Variants in GLUL observed in about 807,000 individuals in gnomAD.
GLUL encodes the protein glutamine synthetase.
GLUL carries 8 observed loss-of-function variants against 36.9 expected under a neutral mutation model. The ratio of observed to expected loss-of-function variants is 0.22; its 90% CI spans 0.13 to 0.39. The LOEUF is 0.39. Ranked by LOEUF, GLUL falls within the 10% of genes least tolerant of loss-of-function variation. The pLI, the probability that GLUL is intolerant of heterozygous loss-of-function variation, is 1.00. For synonymous variants in GLUL, 182 were observed against 172.8 expected (o/e 1.05, Z -0.42); for missense variants, 315 against 501.8 (o/e 0.63, Z 3.56).
At chr1:182,387,104 G>A in intron 3 of GLUL, 27 bp downstream of exon 3, 2 of 1,568,910 alleles carry the variant, frequency 1.3e-6, no homozygotes, top group Non-Finnish European at 1.8e-6. Context: ...ATTGAGGAGG[G>A]GTATCCATAG....
At position 182,383,770 on chromosome 1, in the gene GLUL, T is replaced by G. The variant is rs1558155301; in HGVS notation, c.*635A>C. On this transcript the variant is annotated 3_prime_UTR_variant, in exon 7 of 7. Coordinates refer to ENST00000331872, the MANE Select transcript of GLUL (RefSeq NM_001033044.4). ...AAAAATACTATTCTGCTTTGTGTGA[T>G]AAATCAAGGACCAAGCAGTAAGAAC... 1.3e-5 allele frequency: 2 copies of G among 153,402 alleles called. No homozygotes were observed. The highest frequency in any genetic ancestry group is 2.9e-5 in the Non-Finnish European group (2 of 68,864). The allele number at this position is 153,402 out of a possible 1,614,324, so 9.5% of individuals were successfully genotyped here. A position where few individuals can be genotyped will look rare whatever the true frequency, so the allele number is the denominator to read the frequency against.
Position 182,384,419 on chromosome 1 carries a change from G to A in GLUL, c.1108C>T (p.Gln370Ter), listed in dbSNP as rs1650077537. The A allele has an allele frequency of 2.5e-6, 4 of 1,612,198 alleles. No individual in the cohort carries two copies. The highest frequency in any genetic ancestry group is 8.5e-7 in the Non-Finnish European group (1 of 1,178,464). ...LLNETGDEPFQYKN is the reference protein window; with the variant it reads ...LLNETGDEPF Reference sequence around the variant, plus strand: ...GTCTAGTCCACTTAATTTTTGTACTGGAAGGGCTCATCGCCGGTTTCATTG... The same window carrying A: ...GTCTAGTCCACTTAATTTTTGTACTAGAAGGGCTCATCGCCGGTTTCATTG... The change falls in exon 7 of 7, where the codon CAG (glutamine) becomes TAG (stop). Residue 370 changes from glutamine (Q) to a stop codon, truncating the protein, a stop_gained. Coordinates refer to ENST00000331872, the MANE Select transcript of GLUL (RefSeq NM_001033044.4). LOFTEE classifies it high-confidence loss of function.
Position 182,378,394 on chromosome 1 carries a change from A to T in GLUL, c.*6011T>A, listed in dbSNP as rs1649809659. ...GGATATCACTCTCCTATATTAGAGGAGCTCCAAGCAGTGTATCATGCTCAA... is the reference window on the plus strand; with the variant it reads ...GGATATCACTCTCCTATATTAGAGGTGCTCCAAGCAGTGTATCATGCTCAA... On this transcript the variant is annotated 3_prime_UTR_variant, in exon 7 of 7. Transcript: ENST00000331872. 6.6e-6 allele frequency among the ~76,000 whole-genome samples: 1 copy of T among 152,228 alleles called. No homozygotes were observed. Among genetic ancestry groups the T allele is most frequent in the African/African-American group, 2.4e-5 (1 of 41,462 alleles).
Position 182,380,344 on chromosome 1 carries a change from G to C in GLUL, c.*4061C>G, listed in dbSNP as rs1488808456. ...TTTTGTTTAGGCAAGGTCTTGATCT[G>C]TCACCCAGGCTGGAGTGCAGTGGTG... On this transcript the variant is annotated 3_prime_UTR_variant, in exon 7 of 7. Transcript: ENST00000331872. 1.3e-5 allele frequency among the ~76,000 whole-genome samples: 2 copies of C among 152,162 alleles called. No homozygotes were observed. Among genetic ancestry groups the C allele is most frequent in the African/African-American group, 4.8e-5 (2 of 41,422 alleles).
chr1:182,379,463 T>A lies in GLUL; in HGVS notation c.*4942A>T, dbSNP rs1341504467. On this transcript the variant is annotated 3_prime_UTR_variant, in exon 7 of 7. Transcript: ENST00000331872. ...GTCTCGAACTCCTGAACTCAGGTGA[T>A]CCACCTGCCTTGGCCTCCCAAAGTG... Among the ~76,000 whole-genome samples the A allele has an allele frequency of 6.6e-6, 1 of 152,120 alleles. No homozygotes were observed. The highest frequency in any genetic ancestry group is 1.5e-5 in the Non-Finnish European group (1 of 68,026).
chr1:182,389,343 C>G (rs1301380636), intron 1 of GLUL: 1 of 154,866 alleles, frequency 6.5e-6, no homozygotes, highest in African/African-American at 2.4e-5. Flanking sequence ...CCCACCGCCC[C>G]TCCCCACCAA....
chr1:182,384,881 C>A, intron 6 of GLUL, 158 bp from the exon 7 acceptor site: 1 of 677,906 alleles, frequency 1.5e-6, no homozygotes. Flanking sequence ...CAGTGCCCGA[C>A]AAGCAGTACA....
At chr1:182,386,428 C>A (rs753865639) in intron 3 of GLUL, 26 bp from the exon 4 acceptor site, 2 of 1,552,070 alleles carry the variant, frequency 1.3e-6, no homozygotes, top group Non-Finnish European at 8.9e-7. Context: ...AATAATACGC[C>A]ATCAGGGATC....
chr1:182,388,066 A>C (rs918910833), intron 2 of GLUL, among the ~76,000 whole-genome samples: 10 of 152,228 alleles, frequency 6.6e-5, no homozygotes, highest in African/African-American at 2.2e-4. Context: ...TGTAGCTCCT[A>C]GAGGGATACG....
intron 1 of GLUL, 140 bp downstream of exon 1, chr1:182,391,539 G>T: frequency 3.7e-6 from 1 of 273,050 alleles, no homozygotes; most frequent in Non-Finnish European, 6.8e-6. Context: ...CCGGATCTCA[G>T]GCATGGGCCG....
intron 6 of GLUL, 168 bp downstream of exon 6, chr1:182,385,189 C>G: frequency 1.6e-6 from 1 of 640,072 alleles, no homozygotes; most frequent in East Asian, 2.7e-5. Context: ...AATGTGAAGG[C>G]AAGTGTCAAC....
At chr1:182,387,503 T>C (rs1156837146) in intron 2 of GLUL, among the ~76,000 whole-genome samples, 1 of 152,212 alleles carries the variant, frequency 6.6e-6, no homozygotes, top group Non-Finnish European at 1.5e-5. Flanking sequence ...AAGACCATTG[T>C]ACCAATTCCT....
At position 182,380,406 on chromosome 1, in the gene GLUL, C is replaced by G. The variant is rs1272637938; in HGVS notation, c.*3999G>C. Reference sequence around the variant, plus strand: ...CACTGCAGCTTCAATTTCCTGGGCTCAAGTCATCCTCCCATCTCAGCCTCC... The same window carrying G: ...CACTGCAGCTTCAATTTCCTGGGCTGAAGTCATCCTCCCATCTCAGCCTCC... On this transcript the variant is annotated 3_prime_UTR_variant, in exon 7 of 7. Transcript: ENST00000331872. 6.6e-6 allele frequency among the ~76,000 whole-genome samples: 1 copy of G among 152,198 alleles called. No homozygotes were observed. Among genetic ancestry groups the G allele is most frequent in the African/African-American group, 2.4e-5 (1 of 41,456 alleles).
intron 1 of GLUL, 155 bp from the exon 2 acceptor site, chr1:182,388,905 C>T: frequency 1.5e-6 from 1 of 683,458 alleles, no homozygotes; most frequent in Non-Finnish European, 2.7e-6. Flanking sequence ...TGTTTACTCA[C>T]TCTTTCAGGG....
In GLUL at chr1:182,386,401, C is replaced by T; in HGVS notation, c.330G>A (p.Glu110=). 2.5e-6 allele frequency: 4 copies of T among 1,609,094 alleles called. No homozygotes were observed. The highest frequency in any genetic ancestry group is 3.4e-6 in the Non-Finnish European group (4 of 1,175,468). The stretch of plus-strand genomic sequence containing the variant: ...GTTTACAGGTGTGCCTCAAATTGGT[C>T]TCTAGAAAAAAGAGTCAATAATACG... ...EVFKYNRRPA[E]TNLRHTCKRI... Residue 110 remains glutamate (E), a splice_region_variant and synonymous_variant, in exon 4 of 7, where the codon GAG becomes GAA. Coordinates refer to ENST00000331872, the MANE Select transcript of GLUL (RefSeq NM_001033044.4).
Position 182,384,105 on chromosome 1 carries a change from T to C in GLUL, c.*300A>G, listed in dbSNP as rs951275388. 9 of 407,330 alleles carry C rather than the reference T, an allele frequency of 2.2e-5. No homozygotes were observed. Among genetic ancestry groups the C allele is most frequent in the East Asian group, 5.7e-5 (1 of 17,568 alleles). The allele number at this position is 407,330 out of a possible 1,614,324, so 25.2% of individuals were successfully genotyped here. On this transcript the variant is annotated 3_prime_UTR_variant, in exon 7 of 7. Transcript: ENST00000331872. ...TGCTCTGTCCGGATAGCTACGCCTA[T>C]TGGACAGGTGCACCCCATTAAATGG...
chr1:182,387,316 ACATTTAAAAC>A (rs1162202499), intron 2 of GLUL, 24 bp from the exon 3 acceptor site: 1 of 1,580,310 alleles, frequency 6.3e-7, no homozygotes, highest in Non-Finnish European at 8.7e-7. Context: ...AGGGAAAATT[ACATTTAAAAC>A]ATACAGGAGC....
chr1:182,389,812 C>A (rs1212370410), intron 1 of GLUL: 1 of 152,304 alleles, frequency 6.6e-6, no homozygotes, highest in East Asian at 1.9e-4. Flanking sequence ...TTTCTACGGG[C>A]AACCGTCCAT....
At chr1:182,386,453 C>T (rs1304167231) in intron 3 of GLUL, 51 bp from the exon 4 acceptor site, 2 of 1,310,992 alleles carry the variant, frequency 1.5e-6, no homozygotes, top group Admixed American at 1.7e-5. Flanking sequence ...GACATAGATG[C>T]TGAATACCGA....
Sources: allele counts gnomAD v4.1 joint callset (sites outside exome capture counted in the v4.1 genomes callset), GRCh38; gene constraint gnomAD v4.1.1; transcripts MANE v1.5; gene names NCBI Gene and HGNC (gene_info 2026-07-23, HGNC 2026-07-21).